The following PI4KA variants were observed in gnomAD, a reference collection of about 807,000 sequenced individuals.
PI4KA encodes the protein phosphatidylinositol 4-kinase alpha.
Under a neutral mutation model 271.4 loss-of-function variants are expected in PI4KA, and 122 were observed. That is an observed-to-expected ratio of 0.45 (90% CI 0.39 to 0.52). The LOEUF is 0.52. PI4KA is among the 20% of genes least tolerant of loss of function. The pLI is 0.00. For synonymous variants in PI4KA, 1,041 were observed against 1,078.8 expected (o/e 0.96, Z 0.69); for missense variants, 1,969 against 2,769.1 (o/e 0.71, Z 6.48).
At chr22:20,772,444 G>A (rs765179371) in intron 19 of PI4KA, among the ~76,000 whole-genome samples, 6 of 152,234 alleles carry the variant, frequency 3.9e-5, no homozygotes, top group East Asian at 1.9e-4. Context: ...GTGGTGCCAC[G>A]CTGAAGACTC....
chr22:20,745,298 G>A (rs988706444), intron 29 of PI4KA, among the ~76,000 whole-genome samples: 2 of 152,118 alleles, frequency 1.3e-5, no homozygotes, highest in Admixed American at 6.5e-5. Flanking sequence ...CCAGCCCCAG[G>A]GCCTCAGTGA....
At chr22:20,843,097 C>CAAA (rs361761) in intron 1 of PI4KA, among the ~76,000 whole-genome samples, 6 of 113,844 alleles carry the variant, frequency 5.3e-5, no homozygotes, top group Non-Finnish European at 9.3e-5. Context: ...GACTCCGTCT[C>CAAA]AAAAAAAAAA....
At chr22:20,767,878 G>T (rs991834409) in intron 19 of PI4KA, among the ~76,000 whole-genome samples, 33 of 151,298 alleles carry the variant, frequency 2.2e-4, no homozygotes, top group African/African-American at 7.8e-4. Context: ...CAAGTGATCT[G>T]CCCGCCTCAG....
At chr22:20,815,901 A>C (rs139693505) in intron 7 of PI4KA, among the ~76,000 whole-genome samples, 37 of 152,172 alleles carry the variant, frequency 2.4e-4, no homozygotes, top group African/African-American at 8.2e-4. Context: ...CTAGGGACCT[A>C]ACATTTGGGA....
chr22:20,833,829 T>C (rs1276675201), intron 3 of PI4KA, among the ~76,000 whole-genome samples: 1 of 151,856 alleles, frequency 6.6e-6, no homozygotes, highest in Non-Finnish European at 1.5e-5. Context: ...CCGGCTAATT[T>C]TTGTACTTTT....
intron 19 of PI4KA, among the ~76,000 whole-genome samples, chr22:20,792,785 G>A (rs187016608): frequency 1.3e-5 from 2 of 152,302 alleles, no homozygotes; most frequent in East Asian, 3.9e-4. Context: ...TCCGAGGCCT[G>A]AGCGCCGACA....
At chr22:20,727,747 C>T (rs776465911) in intron 40 of PI4KA, 27 bp downstream of exon 40, 6 of 1,569,906 alleles carry the variant, frequency 3.8e-6, no homozygotes, top group Non-Finnish European at 5.3e-6. Flanking sequence ...AGTTTGAACT[C>T]AGGCCCTGGT....
chr22:20,723,901 T>C (rs1162250077), intron 42 of PI4KA, among the ~76,000 whole-genome samples: 1 of 151,768 alleles, frequency 6.6e-6, no homozygotes, highest in Non-Finnish European at 1.5e-5. Context: ...AGCAGTGGCA[T>C]GATCTTGGCT....
intron 19 of PI4KA, among the ~76,000 whole-genome samples, chr22:20,776,804 G>A (rs752160711): frequency 6.6e-6 from 1 of 152,130 alleles, no homozygotes; most frequent in Non-Finnish European, 1.5e-5. Flanking sequence ...CTTATACAGC[G>A]TGTCAGGCAT....
chr22:20,727,642 C>T (rs750328134), intron 40 of PI4KA, 132 bp downstream of exon 40: 1 of 734,516 alleles, frequency 1.4e-6, no homozygotes, highest in African/African-American at 1.8e-5. Flanking sequence ...CACAGGAAAT[C>T]AGAAAAACCA....
Position 20,742,218 on chromosome 22 carries a change from A to T in PI4KA, c.3741+10T>A. 4 of 1,613,298 alleles carry T rather than the reference A, an allele frequency of 2.5e-6. No individual in the cohort carries two copies. The highest frequency in any genetic ancestry group is 3.4e-6 in the Non-Finnish European group (4 of 1,179,598). On this transcript the variant is annotated intron_variant, in intron 32 of 54. Coordinates refer to ENST00000255882, the MANE Select transcript of PI4KA (RefSeq NM_058004.4). ...CCATCCTCACTGCCAACCCGAGGTCAGGGTCCTACCGGCACTTCCACTCCA... is the reference window on the plus strand; with the variant it reads ...CCATCCTCACTGCCAACCCGAGGTCTGGGTCCTACCGGCACTTCCACTCCA...
chr22:20,741,671 T>C (rs1379861192), intron 32 of PI4KA, among the ~76,000 whole-genome samples: 1 of 152,212 alleles, frequency 6.6e-6, no homozygotes, highest in Non-Finnish European at 1.5e-5. Context: ...TCCCCCTTTT[T>C]GACCACTCAT....
intron 40 of PI4KA, 124 bp from the exon 41 acceptor site, chr22:20,727,521 G>A (rs2147227708): frequency 1.1e-6 from 1 of 931,998 alleles, no homozygotes; most frequent in Non-Finnish European, 1.6e-6. Context: ...TAACCATGGG[G>A]AAGATGCTTC....
intron 19 of PI4KA, among the ~76,000 whole-genome samples, chr22:20,776,829 TA>T (rs1379771913): frequency 6.6e-6 from 1 of 152,070 alleles, no homozygotes; most frequent in African/African-American, 2.4e-5. Context: ...CAGAGGCCAT[TA>T]TCAACATTAA....
At chr22:20,720,617 G>A (rs1926623834) in intron 43 of PI4KA, among the ~76,000 whole-genome samples, 2 of 152,082 alleles carry the variant, frequency 1.3e-5, no homozygotes, top group African/African-American at 4.8e-5. Flanking sequence ...ACAATGACCT[G>A]AGAGACTACT....
At chr22:20,725,769 G>A (rs886206122) in intron 42 of PI4KA, 30 of 303,538 alleles carry the variant, frequency 9.9e-5, no homozygotes, top group African/African-American at 5.2e-4. Context: ...GGTCGCACAC[G>A]CCTGTCATCC....
At chr22:20,795,675 T>C (rs1266557804) in intron 18 of PI4KA, among the ~76,000 whole-genome samples, 1 of 152,166 alleles carries the variant, frequency 6.6e-6, no homozygotes, top group African/African-American at 2.4e-5. Context: ...GGCCCCACCA[T>C]GAATGTATTT....
In PI4KA at chr22:20,733,572, G is replaced by T. The variant is rs368649547; in HGVS notation, c.4160+164C>A. On this transcript the variant is annotated intron_variant, in intron 35 of 54. Transcript: ENST00000255882. Reference sequence around the variant, plus strand: ...ACGGGACACATGCACAGGGCTGAAGGGTATTTAAATCCACAGGGCCAGGGA... The same window carrying T: ...ACGGGACACATGCACAGGGCTGAAGTGTATTTAAATCCACAGGGCCAGGGA... 0.068 allele frequency among the ~76,000 whole-genome samples: 10,266 copies of T among 150,854 alleles called. 336 individuals are homozygous for T. Among genetic ancestry groups the T allele is most frequent in the East Asian group, 0.079 (404 of 5,132 alleles).
intron 28 of PI4KA, 95 bp from the exon 29 acceptor site, chr22:20,747,797 C>T (rs776941018): frequency 5.7e-6 from 7 of 1,218,918 alleles, no homozygotes; most frequent in African/African-American, 3.0e-5. Flanking sequence ...TGTGGTGGCA[C>T]GATCATGGCT....
Sources: gnomAD v4.1 joint callset for allele counts (sites outside exome capture counted in the v4.1 genomes callset) on GRCh38, gnomAD v4.1.1 for gene constraint, MANE v1.5 for transcripts, NCBI Gene and HGNC (gene_info 2026-07-23, HGNC 2026-07-21) for gene names.